SOX5: variants seen among roughly 807,000 people sequenced by gnomAD.
The protein encoded by SOX5 is transcription factor SOX-5.
A neutral mutation model predicts 92.0 loss-of-function variants in SOX5; 9 were observed. That is an observed-to-expected ratio of 0.10 (90% confidence interval 0.06 to 0.17). The LOEUF is 0.17. Among genes scored for constraint, SOX5 ranks in the 10% least tolerant of loss-of-function variants. SOX5 has a pLI of 1.00. For synonymous variants in SOX5, 344 were observed against 336.3 expected (o/e 1.02, Z -0.25); for missense variants, 642 against 944.5 (o/e 0.68, Z 4.20).
At chr12:24,130,998 T>C (rs16927205) in intron 4 of SOX5, among the ~76,000 whole-genome samples, 2,439 of 152,310 alleles carry the variant, frequency 0.016, 42 homozygotes, top group African/African-American at 0.047. Context: ...AGCTACACTA[T>C]TGCCATTCAT....
chr12:23,593,679 A>T (rs993073398), intron 9 of SOX5, among the ~76,000 whole-genome samples: 1 of 152,168 alleles, frequency 6.6e-6, no homozygotes, highest in Non-Finnish European at 1.5e-5. Flanking sequence ...TGTTTAAATA[A>T]ATGATATAAT....
chr12:24,057,599 C>T (rs1248809969), intron 4 of SOX5, among the ~76,000 whole-genome samples: 1 of 152,094 alleles, frequency 6.6e-6, no homozygotes, highest in Non-Finnish European at 1.5e-5. Flanking sequence ...CCGATAATAT[C>T]AAGTAACAAA....
intron 2 of SOX5, among the ~76,000 whole-genome samples, chr12:23,862,673 G>A (rs945168580): frequency 2.0e-4 from 31 of 152,096 alleles, no homozygotes; most frequent in Non-Finnish European, 4.1e-4. Flanking sequence ...AATAATTTAC[G>A]TTTTGCCTTA....
chr12:24,544,350 G>A (rs1019777794), intron 1 of SOX5, among the ~76,000 whole-genome samples: 3 of 152,104 alleles, frequency 2.0e-5, no homozygotes, highest in Non-Finnish European at 2.9e-5. Context: ...TTCTATTGCT[G>A]AGATGACACT....
intron 4 of SOX5, among the ~76,000 whole-genome samples, chr12:24,015,959 G>C (rs1592352846): frequency 6.6e-6 from 1 of 152,010 alleles, no homozygotes; most frequent in East Asian, 1.9e-4. Flanking sequence ...AGCACAGAGG[G>C]AGGAGCTCCT....
Position 24,193,059 on chromosome 12 carries a change from A to G in SOX5, c.-2+20284T>C, listed in dbSNP as rs557963552. 7.2e-5 allele frequency among the ~76,000 whole-genome samples: 11 copies of G among 152,352 alleles called. No homozygotes were observed. The South Asian group carries it at 2.3e-3, about 32-fold the overall frequency. ...TATGCATCTTCAGTTCTGTTCCAGT[A>G]TAGTCTAAGGAAGTTTAAAAGCACA... On this transcript the variant is annotated intron_variant, in intron 4 of 4. Transcript: ENST00000446891.
intron 2 of SOX5, among the ~76,000 whole-genome samples, chr12:24,293,953 C>T (rs1486736422): frequency 6.6e-6 from 1 of 152,222 alleles, no homozygotes; most frequent in African/African-American, 2.4e-5. Flanking sequence ...AAGTAAATAG[C>T]AACAGAACGG....
chr12:24,371,360 C>T (rs1231630673), intron 1 of SOX5, among the ~76,000 whole-genome samples: 1 of 152,186 alleles, frequency 6.6e-6, no homozygotes, highest in Non-Finnish European at 1.5e-5. Flanking sequence ...GGGCTACAGA[C>T]AAAAACTCAG....
intron 4 of SOX5, among the ~76,000 whole-genome samples, chr12:24,105,135 T>G (rs1015821066): frequency 6.6e-6 from 1 of 152,224 alleles, no homozygotes; most frequent in African/African-American, 2.4e-5. Flanking sequence ...CCATCTTACC[T>G]TATCTGCTAT....
At chr12:23,626,200 C>A (rs1374881593) in intron 8 of SOX5, among the ~76,000 whole-genome samples, 7 of 151,592 alleles carry the variant, frequency 4.6e-5, no homozygotes, top group Middle Eastern at 6.8e-3. Flanking sequence ...CTTTAGAAGC[C>A]CTAAGGACCA....
chr12:24,102,427 G>C (rs1032872949), intron 4 of SOX5, among the ~76,000 whole-genome samples: 1 of 152,170 alleles, frequency 6.6e-6, no homozygotes, highest in African/African-American at 2.4e-5. Context: ...TATAGGAAAT[G>C]ACCCATGGCT....
intron 3 of SOX5, among the ~76,000 whole-genome samples, chr12:24,276,904 A>T (rs1595074187): frequency 6.6e-6 from 1 of 152,228 alleles, no homozygotes; most frequent in Non-Finnish European, 1.5e-5. Context: ...TTCAAAAAAC[A>T]TTTTTCAGTG....
At chr12:24,341,556 G>A (rs1041982983) in intron 2 of SOX5, among the ~76,000 whole-genome samples, 1 of 152,152 alleles carries the variant, frequency 6.6e-6, no homozygotes, top group African/African-American at 2.4e-5. Flanking sequence ...TATATTTAGA[G>A]ATATGCCTGT....
intron 4 of SOX5, among the ~76,000 whole-genome samples, chr12:23,992,565 CT>C (rs998531423): frequency 2.6e-5 from 4 of 152,082 alleles, no homozygotes; most frequent in Non-Finnish European, 4.4e-5. Context: ...TTTCAGAAAA[CT>C]TTTTTTCATG....
chr12:24,376,689 C>CTTTTTT lies in SOX5; in HGVS notation c.-250-8051_-250-8050insAAAAAA, dbSNP rs1480014070. ...TCAGAATGATGCTATGGGAGAGATACCTTTTTTTTTTTTTTTTTTTTTTTT... is the reference window on the plus strand; with the variant it reads ...TCAGAATGATGCTATGGGAGAGATACTTTTTTCTTTTTTTTTTTTTTTTTTTTTTTT... On this transcript the variant is annotated intron_variant, in intron 1 of 4. Transcript: ENST00000446891. Among the ~76,000 whole-genome samples the CTTTTTT allele has an allele frequency of 6.9e-4, 64 of 93,092 alleles. 5 individuals carry two copies. The highest frequency in any genetic ancestry group is 7.9e-4 in the Admixed American group (6 of 7,560). The allele number at this position is 93,092 out of a possible 152,430, so 61.1% of individuals were successfully genotyped here.
At chr12:24,018,305 C>T (rs992070627) in intron 4 of SOX5, among the ~76,000 whole-genome samples, 6 of 152,064 alleles carry the variant, frequency 3.9e-5, no homozygotes, top group African/African-American at 1.4e-4. Context: ...TTTTTACCTG[C>T]AATTTTCTAC....
intron 4 of SOX5, among the ~76,000 whole-genome samples, chr12:24,171,101 AT>A (rs1198805498): frequency 1.0e-5 from 1 of 99,522 alleles, no homozygotes; most frequent in Non-Finnish European, 2.1e-5. Context: ...TTCCCTACTT[AT>A]TTTACTCTAA....
intron 4 of SOX5, among the ~76,000 whole-genome samples, chr12:24,188,079 T>C (rs1035732554): frequency 5.7e-4 from 87 of 152,192 alleles, no homozygotes; most frequent in African/African-American, 2.0e-3. Context: ...GGAAGTTTTA[T>C]TGGATTGCTT....
At chr12:24,276,131 T>C (rs1055493530) in intron 3 of SOX5, among the ~76,000 whole-genome samples, 4 of 152,124 alleles carry the variant, frequency 2.6e-5, no homozygotes, top group African/African-American at 9.6e-5. Context: ...TGTAAACCTA[T>C]AGAATTTTTG....
Sources: gnomAD v4.1 joint callset for allele counts (sites outside exome capture counted in the v4.1 genomes callset) on GRCh38, gnomAD v4.1.1 for gene constraint, MANE v1.5 for transcripts, NCBI Gene and HGNC (gene_info 2026-07-23, HGNC 2026-07-21) for gene names.